The following THTPA variants were observed in gnomAD, a reference collection of about 807,000 sequenced individuals.
THTPA encodes the protein thiamine triphosphatase, also known as thiamine-triphosphatase.
THTPA carries 16 observed loss-of-function variants against 16.5 expected under a neutral mutation model. That is an observed-to-expected ratio of 0.97 (90% confidence interval 0.66 to 1.47). THTPA has a LOEUF of 1.47. Among genes scored for constraint, THTPA ranks in the 40% most tolerant of loss-of-function variants. THTPA has a pLI of 0.00. For synonymous variants in THTPA, 110 were observed against 115.5 expected (o/e 0.95, Z 0.30); for missense variants, 281 against 280.9 (o/e 1.00, Z 0.00).
the THTPA span, chr14:23,531,836 G>A: frequency 8.1e-7 from 1 of 1,227,172 alleles, no homozygotes; most frequent in Non-Finnish European, 1.0e-6. Flanking sequence ...GGAGTGCAGT[G>A]GCATGATCTC....
chr14:23,519,240 A>G, the THTPA span, among the ~76,000 whole-genome samples: 1 of 152,166 alleles, frequency 6.6e-6, no homozygotes, highest in Non-Finnish European at 1.5e-5. Flanking sequence ...CTTAAGATAC[A>G]GCACACCACA....
At position 23,559,363 on chromosome 14, in the gene THTPA, G is replaced by T; in HGVS notation, c.*523G>T. ...CCACTGTGCCCAGCTCTGGCCCAGAGGGTAGAGTGCCTCCTGTGGAAGTTT... is the reference window on the plus strand; with the variant it reads ...CCACTGTGCCCAGCTCTGGCCCAGATGGTAGAGTGCCTCCTGTGGAAGTTT... On this transcript the variant is annotated 3_prime_UTR_variant, in exon 2 of 2. Coordinates refer to ENST00000288014, the MANE Select transcript of THTPA (RefSeq NM_024328.6). 3.6e-6 allele frequency: 1 copy of T among 281,580 alleles called. No homozygotes were observed. The highest frequency in any genetic ancestry group is 2.2e-5 in the African/African-American group (1 of 45,664). The allele number at this position is 281,580 out of a possible 1,614,324, so 17.4% of individuals were successfully genotyped here. A position where few individuals can be genotyped will look rare whatever the true frequency, so the allele number is the denominator to read the frequency against.
Position 23,558,874 on chromosome 14 carries a change from G to T in THTPA, c.*34G>T, listed in dbSNP as rs757340389. 1 of 1,611,948 alleles carries T rather than the reference G, an allele frequency of 6.2e-7. No individual in the cohort carries two copies. The highest frequency in any genetic ancestry group is 8.5e-7 in the Non-Finnish European group (1 of 1,178,992). On this transcript the variant is annotated 3_prime_UTR_variant, in exon 2 of 2. Coordinates refer to ENST00000288014, the MANE Select transcript of THTPA (RefSeq NM_024328.6). ...CTTCCTAGAAGGGGAAGGGAACTCT[G>T]GGTCTAACGGAGTCCACTCCTGGGC...
chr14:23,543,318 A>T, the THTPA span: 1 of 152,298 alleles, frequency 6.6e-6, no homozygotes, highest in East Asian at 1.9e-4. Flanking sequence ...AATTTTTAAG[A>T]TCTCCTGCTT....
chr14:23,525,865 C>T, the THTPA span: 2 of 1,453,514 alleles, frequency 1.4e-6, no homozygotes, highest in Non-Finnish European at 1.8e-6. The surrounding 1 kb of genome is among the most constrained non-coding windows in gnomAD (Gnocchi z 5.9). Flanking sequence ...GCTGCTGCTG[C>T]TGGAGCTTAA....
At chr14:23,526,836 C>A in the THTPA span, 1 of 1,525,660 alleles carries the variant, frequency 6.6e-7, no homozygotes, top group East Asian at 2.4e-5. Flanking sequence ...GTTTGCTGTT[C>A]CATTCCTTAC....
At chr14:23,516,572 A>G in the THTPA span, among the ~76,000 whole-genome samples, 4 of 152,224 alleles carry the variant, frequency 2.6e-5, no homozygotes, top group African/African-American at 9.7e-5. Flanking sequence ...TGGGTTTCTG[A>G]AACCTCATCA....
chr14:23,556,493 T>G lies in THTPA; in HGVS notation c.-265T>G. 8.5e-6 allele frequency: 4 copies of G among 471,116 alleles called. No homozygotes were observed. Among genetic ancestry groups the G allele is most frequent in the East Asian group, 3.7e-5 (1 of 27,194 alleles). The allele number at this position is 471,116 out of a possible 1,614,324, so 29.2% of individuals were successfully genotyped here. A position where few individuals can be genotyped will look rare whatever the true frequency, so the allele number is the denominator to read the frequency against. On this transcript the variant is annotated 5_prime_UTR_variant, in exon 1 of 2. Transcript: ENST00000288014. ...CCCGGCCTGCTTTCTAGGGGTCTCT[T>G]TGGATTGAGGACATCAGCAGCAGTG...
In THTPA at chr14:23,559,537, C is replaced by A. The variant is rs1883034801; in HGVS notation, c.*697C>A. 1.8e-6 allele frequency: 1 copy of A among 566,152 alleles called. No individual in the cohort carries two copies. Among genetic ancestry groups the A allele is most frequent in the African/African-American group, 1.9e-5 (1 of 53,172 alleles). The allele number at this position is 566,152 out of a possible 1,614,324, so 35.1% of individuals were successfully genotyped here. ...TGCTCTTCCCTTGCTGTTATTCATA[C>A]ACACTTTCCACTTCAAATATACCCA... is the stretch of plus-strand genomic sequence containing the variant. On this transcript the variant is annotated 3_prime_UTR_variant, in exon 2 of 2. Coordinates refer to ENST00000288014, the MANE Select transcript of THTPA (RefSeq NM_024328.6).
At chr14:23,552,448 A>C (rs1882045165), upstream of THTPA, among the ~76,000 whole-genome samples, 1 of 151,478 alleles carries the variant, frequency 6.6e-6, no homozygotes, top group Non-Finnish European at 1.5e-5. Context: ...ATGCATCAAC[A>C]CACCCAGCTA....
the THTPA span, chr14:23,521,903 C>A: frequency 3.3e-6 from 5 of 1,529,656 alleles, no homozygotes; most frequent in Non-Finnish European, 4.4e-6. Flanking sequence ...ACCGAACACC[C>A]CTTGGGGTAA....
At chr14:23,525,431 C>A in the THTPA span, 1 of 1,536,096 alleles carries the variant, frequency 6.5e-7, no homozygotes, top group African/African-American at 1.4e-5. This position sits in a 1 kb window ranked among gnomAD's most constrained non-coding sequence, Gnocchi z 5.9. Flanking sequence ...CAGAAAGCGG[C>A]GGTGGACATG....
chr14:23,525,085 G>A, the THTPA span: 1 of 1,536,206 alleles, frequency 6.5e-7, no homozygotes, highest in Non-Finnish European at 8.7e-7. The surrounding 1 kb of genome is among the most constrained non-coding windows in gnomAD (Gnocchi z 5.9). Flanking sequence ...CGTCTTTGGG[G>A]TAGGCGCTAG....
chr14:23,523,592 C>T, the THTPA span: 16 of 1,551,838 alleles, frequency 1.0e-5, no homozygotes, highest in African/African-American at 9.5e-5. This position sits in a 1 kb window ranked among gnomAD's most constrained non-coding sequence, Gnocchi z 4.1. Flanking sequence ...TTCCTTGGCA[C>T]GAGCATTCTG....
At chr14:23,527,738 A>G in the THTPA span, 1 of 1,536,008 alleles carries the variant, frequency 6.5e-7, no homozygotes, top group East Asian at 2.4e-5. Flanking sequence ...GCATGCTGGG[A>G]GAGTGTATGA....
rs1882958545 is a variant in THTPA at position 23,559,185 on chromosome 14, C to CGA, written c.*345_*346insGA. On this transcript the variant is annotated 3_prime_UTR_variant, in exon 2 of 2. Transcript: ENST00000288014. ...CCTCCCTTGGTCGATGCCATTGATT[C>CGA]TGCCAGCGGCTCCTAAACCGCCTTA... The CGA allele has an allele frequency of 3.9e-6, 1 of 258,440 alleles. No individual in the cohort carries two copies. Among genetic ancestry groups the CGA allele is most frequent in the Non-Finnish European group, 7.5e-6 (1 of 133,186 alleles). The allele number at this position is 258,440 out of a possible 1,614,324, so 16.0% of individuals were successfully genotyped here.
At chr14:23,553,665 C>G (rs955159284), upstream of THTPA, among the ~76,000 whole-genome samples, 1 of 151,570 alleles carries the variant, frequency 6.6e-6, no homozygotes, top group African/African-American at 2.4e-5. Context: ...GAGGTGGAGG[C>G]GGGTGGATCA....
At chr14:23,522,577 C>T in the THTPA span, 13 of 1,526,914 alleles carry the variant, frequency 8.5e-6, no homozygotes, top group African/African-American at 1.4e-5. Flanking sequence ...GGAAGTAGGC[C>T]CCCTGTAGCT....
At chr14:23,522,864 GGCC>G in the THTPA span, 2 of 1,521,422 alleles carry the variant, frequency 1.3e-6, no homozygotes, top group Non-Finnish European at 1.8e-6. Context: ...GGGCGGCCTG[GGCC>G]AGCAGTCTGG....
Sources: gnomAD v4.1 joint callset for allele counts (sites outside exome capture counted in the v4.1 genomes callset) on GRCh38, gnomAD v4.1.1 for gene constraint, Gnocchi (gnomAD v3.1) non-coding constraint, MANE v1.5 for transcripts, NCBI Gene and HGNC (gene_info 2026-07-23, HGNC 2026-07-21) for gene names.